BBS4: variants seen among roughly 807,000 people sequenced by gnomAD.
The protein encoded by BBS4 is BBSome complex member BBS4.
Under a neutral mutation model 71.4 loss-of-function variants are expected in BBS4, and 58 were observed. The ratio of observed to expected loss-of-function variants is 0.81; its 90% confidence interval spans 0.66 to 1.01. The LOEUF (loss-of-function observed/expected upper bound fraction) is 1.01. BBS4 is among the 50% of genes least tolerant of loss of function. BBS4 has a pLI of 0.00. For synonymous variants in BBS4, 228 were observed against 216.8 expected (o/e 1.05, Z -0.46); for missense variants, 660 against 607.9 (o/e 1.09, Z -0.90).
At chr15:72,687,066 C>T (rs1219620287) in intron 1 of BBS4, among the ~76,000 whole-genome samples, 1 of 148,600 alleles carries the variant, frequency 6.7e-6, no homozygotes, top group Admixed American at 6.8e-5. Flanking sequence ...GTTTTCTACT[C>T]TCATTTGCAG....
chr15:72,695,295 A>AT (rs1038836414), intron 2 of BBS4, 67 bp downstream of exon 2: 37,205 of 932,454 alleles, frequency 0.04, 1 homozygote, highest in Middle Eastern at 0.045. Context: ...TTATTTATTT[A>AT]TTTTTTTTTT....
rs1203340830 is a variant in BBS4, at chr15:72,737,680, C to A, written c.*93C>A. ...ATGACACAGGCAGAGCAGAGTGGCA[C>A]CCACCACAGAATACAGTGTGTGTTA... On this transcript the variant is annotated 3_prime_UTR_variant, in exon 16 of 16. Transcript: ENST00000268057. 5 of 999,352 alleles carry A rather than the reference C, an allele frequency of 5.0e-6. No individual in the cohort carries two copies. In the African/African-American group the frequency reaches 8.0e-5, roughly 16 times the overall value. The allele number at this position is 999,352 out of a possible 1,614,324, so 61.9% of individuals were successfully genotyped here.
chr15:72,692,334 GA>G (rs2065000271), intron 1 of BBS4, among the ~76,000 whole-genome samples: 3 of 38,652 alleles, frequency 7.8e-5, no homozygotes, highest in Non-Finnish European at 1.4e-4. Flanking sequence ...TTTTTTTTTT[GA>G]GACAGAGTCT....
At chr15:72,733,651 A>G (rs1288319249) in intron 12 of BBS4, among the ~76,000 whole-genome samples, 1 of 152,116 alleles carries the variant, frequency 6.6e-6, no homozygotes, top group Non-Finnish European at 1.5e-5. Context: ...GTACATTTAC[A>G]TTTTGTTTAT....
chr15:72,737,382 A>G, intron 15 of BBS4, 96 bp from the exon 16 acceptor site: 2 of 1,090,064 alleles, frequency 1.8e-6, no homozygotes, highest in Non-Finnish European at 1.4e-6. Context: ...TGGTTCCAGA[A>G]AATATGGGGT....
At chr15:72,706,381 CTGCGTGGACCTCCCAAAA>C (rs973250101) in intron 2 of BBS4, among the ~76,000 whole-genome samples, 1 of 152,146 alleles carries the variant, frequency 6.6e-6, no homozygotes, top group African/African-American at 2.4e-5. Flanking sequence ...CATGATCCAC[CTGCGTGGACCTCCCAAAA>C]TGCTAGGATT....
intron 6 of BBS4, 55 bp downstream of exon 6, chr15:72,716,905 T>G: frequency 8.1e-7 from 1 of 1,235,560 alleles, no homozygotes; most frequent in Non-Finnish European, 1.2e-6. Context: ...ATGGTTCCAT[T>G]TATCATCTGG....
intron 9 of BBS4, among the ~76,000 whole-genome samples, chr15:72,728,830 A>C (rs1399878030): frequency 6.6e-6 from 1 of 152,034 alleles, no homozygotes; most frequent in Non-Finnish European, 1.5e-5. Context: ...CAATATACAC[A>C]TTTGCCAAGT....
At position 72,715,159 on chromosome 15, in the gene BBS4, A is replaced by C. The variant is rs2065445177; in HGVS notation, c.221-132A>C. ...GTCCAAAGCCATATCTGATTGTTTTAAGGATACAGTTGTCCAAAGGATTTA... is the reference window on the plus strand; with the variant it reads ...GTCCAAAGCCATATCTGATTGTTTTCAGGATACAGTTGTCCAAAGGATTTA... On this transcript the variant is annotated intron_variant, in intron 4 of 15. Coordinates refer to ENST00000268057, the MANE Select transcript of BBS4 (RefSeq NM_033028.5). The C allele has an allele frequency of 5.7e-6, 4 of 695,938 alleles. No homozygotes were observed. In the East Asian group the frequency reaches 1.1e-4, roughly 19 times the overall value. 43.1% of individuals were successfully genotyped at this position (695,938 alleles called of 1,614,324 possible). A position where few individuals can be genotyped will look rare whatever the true frequency, so the allele number is the denominator to read the frequency against.
chr15:72,736,029 G>A (rs1184042159), intron 14 of BBS4, 63 bp downstream of exon 14: 1 of 1,588,632 alleles, frequency 6.3e-7, no homozygotes, highest in Non-Finnish European at 8.6e-7. Flanking sequence ...TAAAAATCAA[G>A]CCCAGATCAT....
At chr15:72,718,628 G>A (rs142201443) in intron 6 of BBS4, among the ~76,000 whole-genome samples, 239 of 152,298 alleles carry the variant, frequency 1.6e-3, no homozygotes, top group African/African-American at 5.3e-3. Context: ...AACAGCCAGA[G>A]TGAAACTACA....
intron 14 of BBS4, 23 bp downstream of exon 14, chr15:72,735,989 A>G (rs1271356285): frequency 6.2e-7 from 1 of 1,613,872 alleles, no homozygotes; most frequent in Admixed American, 1.7e-5. Flanking sequence ...TTAGCTCCCA[A>G]GAGTCATAAG....
intron 14 of BBS4, among the ~76,000 whole-genome samples, chr15:72,736,366 C>T (rs2065924647): frequency 6.6e-6 from 1 of 151,752 alleles, no homozygotes; most frequent in South Asian, 2.1e-4. Context: ...CTCAGCCTTC[C>T]AAGTAGCTGG....
intron 15 of BBS4, 125 bp downstream of exon 15, chr15:72,737,088 G>C: frequency 8.2e-7 from 1 of 1,226,546 alleles, no homozygotes. Flanking sequence ...TTGGCCACAA[G>C]GGGAGAAAAA....
At chr15:72,718,863 A>G (rs897290126) in intron 6 of BBS4, among the ~76,000 whole-genome samples, 9 of 152,288 alleles carry the variant, frequency 5.9e-5, no homozygotes, top group African/African-American at 1.2e-4. Flanking sequence ...TTTGGATATG[A>G]TAAGTTTTAG....
chr15:72,688,340 A>G (rs1228847927), intron 1 of BBS4, among the ~76,000 whole-genome samples: 1 of 150,350 alleles, frequency 6.7e-6, no homozygotes, highest in East Asian at 2.0e-4. Flanking sequence ...CGTTTATAGT[A>G]ATTTTCATCT....
chr15:72,710,689 C>T (rs1028543072), intron 3 of BBS4, among the ~76,000 whole-genome samples: 4 of 152,082 alleles, frequency 2.6e-5, no homozygotes, highest in East Asian at 1.9e-4. Flanking sequence ...GTATCCAGAG[C>T]TTTGTGACCC....
At chr15:72,705,700 T>C (rs921974268) in intron 2 of BBS4, among the ~76,000 whole-genome samples, 1 of 142,614 alleles carries the variant, frequency 7.0e-6, no homozygotes. Context: ...CAAGCAATCC[T>C]CCTAACTCAG....
At chr15:72,729,161 CTTTT>C (rs71137313) in intron 9 of BBS4, among the ~76,000 whole-genome samples, 6,636 of 69,908 alleles carry the variant, frequency 0.095, 244 homozygotes, top group Non-Finnish European at 0.11. Flanking sequence ...ACTGTAGCTG[CTTTT>C]TTTTTTTTTT....
Sources: gnomAD v4.1 joint callset for allele counts (sites outside exome capture counted in the v4.1 genomes callset) on GRCh38, gnomAD v4.1.1 for gene constraint, MANE v1.5 for transcripts, NCBI Gene and HGNC (gene_info 2026-07-23, HGNC 2026-07-21) for gene names.